Variants in KIF26B observed in about 807,000 individuals in gnomAD.
The protein encoded by KIF26B is kinesin-like protein KIF26B.
A neutral mutation model predicts 151.2 loss-of-function variants in KIF26B; 63 were observed. The ratio of observed to expected loss-of-function variants is 0.42; its 90% CI spans 0.34 to 0.51. The LOEUF is 0.51. Ranked by LOEUF, KIF26B falls within the 20% of genes least tolerant of loss-of-function variation. The pLI, the probability that KIF26B is intolerant of heterozygous loss-of-function variation, is 0.07. For synonymous variants in KIF26B, 1,357 were observed against 1,262.1 expected, an observed-to-expected ratio of 1.08 and a Z score of -1.59; for missense variants, 2,813 against 2,913.6, an observed-to-expected ratio of 0.97 and a Z score of 0.79.
intron 10 of KIF26B, among the ~76,000 whole-genome samples, chr1:245,655,299 C>T (rs565607412): frequency 1.3e-5 from 2 of 152,338 alleles, no homozygotes; most frequent in East Asian, 1.9e-4. Flanking sequence ...GACAAAGAGA[C>T]GTGCTTCAAA....
chr1:245,596,949 C>T (rs2043341174), intron 5 of KIF26B, among the ~76,000 whole-genome samples: 1 of 152,100 alleles, frequency 6.6e-6, no homozygotes, highest in Non-Finnish European at 1.5e-5. Context: ...GACACTACGA[C>T]CGCAACCCTT....
intron 5 of KIF26B, among the ~76,000 whole-genome samples, chr1:245,574,852 T>C (rs1255078190): frequency 6.7e-6 from 1 of 150,308 alleles, no homozygotes; most frequent in African/African-American, 2.4e-5. Flanking sequence ...TATATCTTTT[T>C]CTTTTTTTTT....
At chr1:245,468,038 T>G (rs1217043642) in intron 4 of KIF26B, among the ~76,000 whole-genome samples, 1 of 147,206 alleles carries the variant, frequency 6.8e-6, no homozygotes, top group Non-Finnish European at 1.5e-5. Context: ...ATCTATGGCC[T>G]CCTATTCCTT....
chr1:245,658,990 A>G (rs1473916523), intron 10 of KIF26B, among the ~76,000 whole-genome samples: 1 of 152,124 alleles, frequency 6.6e-6, no homozygotes, highest in Non-Finnish European at 1.5e-5. Flanking sequence ...CCAGCACTTC[A>G]GGAAGCCAAG....
intron 4 of KIF26B, among the ~76,000 whole-genome samples, chr1:245,505,545 C>G (rs562703525): frequency 1.3e-5 from 2 of 151,436 alleles, no homozygotes; most frequent in African/African-American, 4.9e-5. Flanking sequence ...CAACCACGCC[C>G]TGCTGATTTT....
intron 3 of KIF26B, among the ~76,000 whole-genome samples, chr1:245,372,754 T>C (rs1673158056): frequency 6.6e-6 from 1 of 152,210 alleles, no homozygotes; most frequent in Non-Finnish European, 1.5e-5. Flanking sequence ...CACGGAGTTA[T>C]AGGATGTTGG....
At chr1:245,440,934 T>C (rs933841359) in intron 4 of KIF26B, among the ~76,000 whole-genome samples, 1 of 152,178 alleles carries the variant, frequency 6.6e-6, no homozygotes, top group African/African-American at 2.4e-5. Context: ...TGGGTGGGAA[T>C]GTCAACAGAG....
intron 2 of KIF26B, among the ~76,000 whole-genome samples, chr1:245,359,701 C>T (rs443447): frequency 2.7e-5 from 4 of 150,670 alleles, no homozygotes; most frequent in African/African-American, 9.8e-5. Context: ...CCCTTCCCTC[C>T]TTCCCTCCCT....
chr1:245,229,992 G>C (rs1669958187), intron 2 of KIF26B, among the ~76,000 whole-genome samples: 1 of 152,094 alleles, frequency 6.6e-6, no homozygotes, highest in African/African-American at 2.4e-5. Flanking sequence ...AATTAGCTGG[G>C]CGTGGCGGCA....
rs112367056 is a variant in KIF26B, at chr1:245,334,855, G to A, written c.466-31979G>A. On this transcript the variant is annotated intron_variant, in intron 2 of 14. Coordinates refer to ENST00000407071, the MANE Select transcript of KIF26B (RefSeq NM_018012.4). ...ACCCTGTACAGTAGGTATGACTGCCGTTCCATTTTCATAGATGAGACCGAA... is the reference window on the plus strand; with the variant it reads ...ACCCTGTACAGTAGGTATGACTGCCATTCCATTTTCATAGATGAGACCGAA... 2.8e-3 allele frequency among the ~76,000 whole-genome samples: 419 copies of A among 152,246 alleles called. 1 individual carries two copies. The highest frequency in any genetic ancestry group is 9.3e-3 in the African/African-American group (386 of 41,530).
intron 5 of KIF26B, among the ~76,000 whole-genome samples, chr1:245,567,593 T>C (rs995144106): frequency 6.6e-6 from 1 of 152,144 alleles, no homozygotes; most frequent in African/African-American, 2.4e-5. Context: ...GGATGACCCA[T>C]GGCAGGAATA....
At chr1:245,181,200 C>T (rs929128796) in intron 2 of KIF26B, among the ~76,000 whole-genome samples, 6 of 151,610 alleles carry the variant, frequency 4.0e-5, no homozygotes, top group African/African-American at 1.2e-4. Context: ...ACCCCGATTT[C>T]CCCCCCTTCT....
intron 2 of KIF26B, among the ~76,000 whole-genome samples, chr1:245,315,198 A>G (rs1192302939): frequency 6.6e-6 from 1 of 152,168 alleles, no homozygotes; most frequent in Non-Finnish European, 1.5e-5. Context: ...TAATAAAAAT[A>G]AAAATAAATT....
At position 245,310,073 on chromosome 1, in the gene KIF26B, ATATT is replaced by A. The variant is rs544763107; in HGVS notation, c.466-56755_466-56752del. ...AACATTATAATATATATTATATATA[ATATT>A]TATTTTATATAATAAATCAATAAAT... On this transcript the variant is annotated intron_variant, in intron 2 of 14. Coordinates refer to ENST00000407071, the MANE Select transcript of KIF26B (RefSeq NM_018012.4). Among the ~76,000 whole-genome samples, 488 of 147,788 alleles carry A rather than the reference ATATT, an allele frequency of 3.3e-3. 3 individuals are homozygous for A. The highest frequency in any genetic ancestry group is 0.011 in the African/African-American group (461 of 40,756).
At chr1:245,428,366 C>T (rs374501075) in intron 4 of KIF26B, among the ~76,000 whole-genome samples, 1 of 152,096 alleles carries the variant, frequency 6.6e-6, no homozygotes, top group East Asian at 1.9e-4. Flanking sequence ...TAGTGCCATC[C>T]GATTTCAAGG....
intron 4 of KIF26B, among the ~76,000 whole-genome samples, chr1:245,480,104 C>G (rs1660134226): frequency 7.9e-6 from 1 of 125,960 alleles, no homozygotes; most frequent in South Asian, 2.8e-4. Context: ...TCTCTCCAAA[C>G]AAACAAACAA....
At chr1:245,171,241 G>A (rs541055950) in intron 2 of KIF26B, among the ~76,000 whole-genome samples, 5 of 152,178 alleles carry the variant, frequency 3.3e-5, no homozygotes, top group Non-Finnish European at 7.3e-5. Context: ...TAAGAGCATC[G>A]TCTTTAATAA....
At position 245,702,160 on chromosome 1, in the gene KIF26B, C is replaced by G. The variant is rs930381791; in HGVS notation, c.6179-298C>G. 1.3e-5 allele frequency among the ~76,000 whole-genome samples: 2 copies of G among 152,114 alleles called. No individual in the cohort carries two copies. Among genetic ancestry groups the G allele is most frequent in the Non-Finnish European group, 2.9e-5 (2 of 68,030 alleles). On this transcript the variant is annotated intron_variant, in intron 14 of 14. Transcript: ENST00000407071. This position sits in a 1 kb window ranked among gnomAD's most constrained non-coding sequence, Gnocchi z 4.1. ...ATAGTGTGGTAGCGTCTCTCAAATC[C>G]TGGGATCCATCCTGGATCCTCCATG... is the stretch of plus-strand genomic sequence containing the variant.
chr1:245,582,334 G>A (rs6657849), intron 5 of KIF26B, among the ~76,000 whole-genome samples: 16,623 of 152,220 alleles, frequency 0.11, 1,225 homozygotes, highest in African/African-American at 0.2. Flanking sequence ...AATGTATCAA[G>A]TCAATAACTT....
Sources: allele counts gnomAD v4.1 joint callset (sites outside exome capture counted in the v4.1 genomes callset), GRCh38; gene constraint gnomAD v4.1.1; non-coding constraint Gnocchi (gnomAD v3.1); transcripts MANE v1.5; gene names NCBI Gene and HGNC (gene_info 2026-07-23, HGNC 2026-07-21).